The following SDK1 variants were observed in gnomAD, a reference collection of about 807,000 sequenced individuals.
SDK1 encodes the protein protein sidekick-1.
In SDK1, 157 loss-of-function variants were observed where a neutral mutation model predicts 245.5. That is an observed-to-expected ratio of 0.64 (90% CI 0.56 to 0.73). The LOEUF (loss-of-function observed/expected upper bound fraction) is 0.73. Among genes scored for constraint, SDK1 ranks in the 30% least tolerant of loss-of-function variants. SDK1 has a pLI of 0.00. For synonymous variants in SDK1, 1,647 were observed against 1,278.5 expected, an observed-to-expected ratio of 1.29 and a Z score of -6.15; for missense variants, 3,583 against 3,002.3, an observed-to-expected ratio of 1.19 and a Z score of -4.52.
chr7:3,639,314 T>A (rs961781509), intron 3 of SDK1, among the ~76,000 whole-genome samples: 2 of 152,176 alleles, frequency 1.3e-5, no homozygotes, highest in African/African-American at 2.4e-5. Flanking sequence ...AAGGGCACTT[T>A]TCTTCATTTG....
intron 4 of SDK1, among the ~76,000 whole-genome samples, chr7:3,796,547 A>AC (rs1180616536): frequency 6.6e-6 from 1 of 151,786 alleles, no homozygotes; most frequent in Non-Finnish European, 1.5e-5. Context: ...CCATTCCAGG[A>AC]CCCCACCTGC....
chr7:4,174,768 C>A (rs1782083055), intron 33 of SDK1, among the ~76,000 whole-genome samples: 2 of 152,128 alleles, frequency 1.3e-5, no homozygotes, highest in South Asian at 4.1e-4. Flanking sequence ...GCCCATGGTG[C>A]TCACCCCCGG....
Position 4,210,344 on chromosome 7 carries a change from C to T in SDK1, c.5539+182C>T, listed in dbSNP as rs377220263. Among the ~76,000 whole-genome samples the T allele has an allele frequency of 1.1e-4, 16 of 152,252 alleles. No homozygotes were observed. The South Asian group carries it at 3.1e-3, about 30-fold the overall frequency. ...GCTGAGTGCGAGGGGAGCGGGGACT[C>T]GCGGGGAAAGGCCTGTGAGGAAAAG... On this transcript the variant is annotated intron_variant, in intron 38 of 44. Transcript: ENST00000404826.
At chr7:3,407,127 C>G (rs1182492266) in intron 1 of SDK1, among the ~76,000 whole-genome samples, 1 of 152,216 alleles carries the variant, frequency 6.6e-6, no homozygotes, top group Non-Finnish European at 1.5e-5. Flanking sequence ...GGCTACTGCT[C>G]TGCACTAATG....
At chr7:4,003,198 C>T (rs760930327) in intron 14 of SDK1, among the ~76,000 whole-genome samples, 1 of 152,276 alleles carries the variant, frequency 6.6e-6, no homozygotes, top group South Asian at 2.1e-4. Flanking sequence ...TCATGCAAAA[C>T]ACATGACCTT....
chr7:3,400,037 C>G (rs1778845286), intron 1 of SDK1, among the ~76,000 whole-genome samples: 1 of 152,028 alleles, frequency 6.6e-6, no homozygotes, highest in Admixed American at 6.6e-5. Context: ...AATGGGGCTT[C>G]CCTGAGAGCT....
At chr7:3,483,763 G>T (rs1345902975) in intron 1 of SDK1, among the ~76,000 whole-genome samples, 2 of 152,084 alleles carry the variant, frequency 1.3e-5, no homozygotes, top group Non-Finnish European at 2.9e-5. Flanking sequence ...ATTTATTTCA[G>T]TCTCTGATAG....
chr7:4,080,772 G>C (rs1781005491), intron 22 of SDK1, among the ~76,000 whole-genome samples: 2 of 152,156 alleles, frequency 1.3e-5, no homozygotes, highest in Admixed American at 6.5e-5. Context: ...ACGAGTTAAT[G>C]GGTGCAGCAC....
chr7:3,554,546 C>T (rs972019328), intron 1 of SDK1, among the ~76,000 whole-genome samples: 9 of 152,128 alleles, frequency 5.9e-5, no homozygotes, highest in South Asian at 2.1e-4. Context: ...CTCACTCCTC[C>T]ATAGGATCAC....
rs764105126 is a variant in SDK1 at position 3,487,754 on chromosome 7, CAA to C, written c.299-131305_299-131304del. On this transcript the variant is annotated intron_variant, in intron 1 of 44. Coordinates refer to ENST00000404826, the MANE Select transcript of SDK1 (RefSeq NM_152744.4). The stretch of plus-strand genomic sequence containing the variant: ...TGGGCAACAGAGCAAGACCCCATCT[CAA>C]AAAAAAAAAAAAAAAAAAAAGAAAA... Among the ~76,000 whole-genome samples, 34 of 64,942 alleles carry C rather than the reference CAA, an allele frequency of 5.2e-4. 1 individual carries two copies. Among genetic ancestry groups the C allele is most frequent in the African/African-American group, 1.6e-3 (29 of 18,702 alleles). 42.6% of individuals were successfully genotyped at this position (64,942 alleles called of 152,430 possible).
intron 4 of SDK1, among the ~76,000 whole-genome samples, chr7:3,679,471 G>C (rs6980238): frequency 0.83 from 125,895 of 151,980 alleles, 52,283 homozygotes; most frequent in Non-Finnish European, 0.86. Context: ...GGAGGCTGAG[G>C]CAGGAGAATG....
intron 5 of SDK1, among the ~76,000 whole-genome samples, chr7:3,853,715 G>C (rs1780473327): frequency 6.6e-6 from 1 of 152,074 alleles, no homozygotes; most frequent in African/African-American, 2.4e-5. Context: ...TTTTGGTCTG[G>C]CACAGTGGCT....
chr7:3,966,531 G>A, intron 9 of SDK1, among the ~76,000 whole-genome samples: 1 of 152,082 alleles, frequency 6.6e-6, no homozygotes, highest in Non-Finnish European at 1.5e-5. Flanking sequence ...TGAACAAGAA[G>A]AAACCCAGCA....
chr7:3,494,371 C>T (rs1462551580), intron 1 of SDK1, among the ~76,000 whole-genome samples: 1 of 152,102 alleles, frequency 6.6e-6, no homozygotes, highest in Non-Finnish European at 1.5e-5. Flanking sequence ...AGTCTTGGGA[C>T]ATTTAGGGTG....
intron 18 of SDK1, 113 bp downstream of exon 18, chr7:4,049,576 A>G: frequency 1.3e-6 from 1 of 778,464 alleles, no homozygotes; most frequent in Non-Finnish European, 2.2e-6. Flanking sequence ...ATTAAGATAC[A>G]GGGCGTCTTG....
At chr7:3,464,106 C>T (rs755168955) in intron 1 of SDK1, among the ~76,000 whole-genome samples, 37 of 152,138 alleles carry the variant, frequency 2.4e-4, no homozygotes, top group South Asian at 6.2e-4. Flanking sequence ...TCTAAAAATA[C>T]GCAGTTATTT....
Position 3,993,645 on chromosome 7 carries a change from A to T in SDK1, c.2131+6323A>T, listed in dbSNP as rs190704621. On this transcript the variant is annotated intron_variant, in intron 14 of 44. Transcript: ENST00000404826. ...ATAAAAACGATCACTACAGTCCCAC[A>T]TATGTTGAAAGCCAGCCCTGCACCC... Among the ~76,000 whole-genome samples the T allele has an allele frequency of 2.1e-3, 323 of 152,314 alleles. 2 individuals are homozygous for T. The highest frequency in any genetic ancestry group is 7.4e-3 in the African/African-American group (308 of 41,584).
At chr7:3,385,646 C>T (rs771796124) in intron 1 of SDK1, among the ~76,000 whole-genome samples, 1 of 152,154 alleles carries the variant, frequency 6.6e-6, no homozygotes, top group African/African-American at 2.4e-5. Flanking sequence ...CTCTCACTTC[C>T]CTGCCCACCA....
At position 3,619,191 on chromosome 7, in the gene SDK1, A is replaced by T; in HGVS notation, c.410A>T (p.Lys137Met). 6.2e-7 allele frequency: 1 copy of T among 1,613,942 alleles called. No homozygotes were observed. The highest frequency in any genetic ancestry group is 8.5e-7 in the Non-Finnish European group (1 of 1,179,830). Residue 137 changes from lysine (K) to methionine (M), a missense_variant, in exon 2 of 45, where the codon AAG (lysine) becomes ATG (methionine). Transcript: ENST00000404826. ...GAAGGGAGCTGGCCTTTGGAGTTCAAGTGGATGCGCGATGACAGTGAGCTC... is the reference window on the plus strand; with the variant it reads ...GAAGGGAGCTGGCCTTTGGAGTTCATGTGGATGCGCGATGACAGTGAGCTC... Reference protein sequence around the residue: ...LAEGSWPLEFKWMRDDSELTT... With the variant: ...LAEGSWPLEFMWMRDDSELTT...
Sources: allele counts gnomAD v4.1 joint callset (sites outside exome capture counted in the v4.1 genomes callset), GRCh38; gene constraint gnomAD v4.1.1; transcripts MANE v1.5; gene names NCBI Gene and HGNC (gene_info 2026-07-23, HGNC 2026-07-21).